The following ENPEP variants were observed in gnomAD, a reference collection of about 807,000 sequenced individuals.
ENPEP encodes the protein glutamyl aminopeptidase, also known as AP-A.
A neutral mutation model predicts 114.5 loss-of-function variants in ENPEP; 103 were observed. That is an observed-to-expected ratio of 0.90 (90% confidence interval 0.77 to 1.06). The LOEUF is 1.06. Among genes scored for constraint, ENPEP ranks in the 50% least tolerant of loss-of-function variants. The pLI is 0.00. For synonymous variants in ENPEP, 420 were observed against 422.0 expected, an observed-to-expected ratio of 1.00 and a Z score of 0.06; for missense variants, 1,196 against 1,161.3, an observed-to-expected ratio of 1.03 and a Z score of -0.43.
At chr4:110,515,852 C>A (rs1173758079) in intron 8 of ENPEP, 1 of 455,456 alleles carries the variant, frequency 2.2e-6, no homozygotes, top group African/African-American at 2.0e-5. Context: ...TCCGGGCTTG[C>A]AGATGGTAGA....
chr4:110,555,736 A>C (rs1727445177), intron 18 of ENPEP, among the ~76,000 whole-genome samples: 1 of 152,076 alleles, frequency 6.6e-6, no homozygotes, highest in Non-Finnish European at 1.5e-5. Context: ...TTTAATAAGC[A>C]CTTAAAAGTT....
intron 6 of ENPEP, chr4:110,512,373 A>G (rs761840968): frequency 2.0e-5 from 3 of 152,172 alleles, no homozygotes; most frequent in South Asian, 2.1e-4. Flanking sequence ...GGTATAGTCA[A>G]TCTTCCTCAC....
chr4:110,524,536 A>C (rs1166363130), intron 10 of ENPEP, among the ~76,000 whole-genome samples: 4 of 152,222 alleles, frequency 2.6e-5, no homozygotes, highest in Non-Finnish European at 5.9e-5. Context: ...AAGCAGATTT[A>C]TAAGTCTAAT....
At chr4:110,558,270 TTATATATATA>T (rs5861011) in intron 18 of ENPEP, among the ~76,000 whole-genome samples, 4 of 141,706 alleles carry the variant, frequency 2.8e-5, no homozygotes, top group African/African-American at 5.3e-5. Context: ...TTTATAAAAA[TTATATATATA>T]TATATATATA....
chr4:110,497,462 T>C (rs1724986735), intron 3 of ENPEP, among the ~76,000 whole-genome samples: 2 of 152,092 alleles, frequency 1.3e-5, no homozygotes, highest in Admixed American at 6.5e-5. Context: ...ATAAAAATAA[T>C]GTAAGATTTT....
At chr4:110,556,297 A>G (rs915661919) in intron 18 of ENPEP, among the ~76,000 whole-genome samples, 2 of 151,938 alleles carry the variant, frequency 1.3e-5, no homozygotes, top group Non-Finnish European at 2.9e-5. Context: ...TCCTATTGTC[A>G]TATTACTGTT....
At chr4:110,520,097 A>C (rs768073032) in intron 9 of ENPEP, 24 bp downstream of exon 9, 1 of 1,610,570 alleles carries the variant, frequency 6.2e-7, no homozygotes, top group Non-Finnish European at 8.5e-7. Flanking sequence ...TATGTCCCCA[A>C]ATATTTCTTT....
chr4:110,508,537 T>C (rs60175442), intron 4 of ENPEP, among the ~76,000 whole-genome samples: 27,555 of 152,232 alleles, frequency 0.18, 2,935 homozygotes, highest in Middle Eastern at 0.33. Context: ...TTTGGCTGGG[T>C]GCGGTGGCTC....
At chr4:110,507,750 C>T (rs528863994) in intron 4 of ENPEP, among the ~76,000 whole-genome samples, 14 of 152,268 alleles carry the variant, frequency 9.2e-5, no homozygotes, top group South Asian at 4.2e-4. Context: ...CCCAGGCGGG[C>T]GGATCGCTTG....
intron 10 of ENPEP, among the ~76,000 whole-genome samples, chr4:110,521,775 C>T (rs556816131): frequency 2.1e-3 from 314 of 152,042 alleles, no homozygotes; most frequent in African/African-American, 7.2e-3. Context: ...ATAAATTTGG[C>T]AAATCCTCCA....
At chr4:110,522,189 CT>C (rs539673220) in intron 10 of ENPEP, among the ~76,000 whole-genome samples, 37 of 144,256 alleles carry the variant, frequency 2.6e-4, no homozygotes, top group South Asian at 1.1e-3. Context: ...AGATAGGATT[CT>C]TTTTTTTTTT....
At chr4:110,540,056 A>G (rs1483006248) in intron 11 of ENPEP, among the ~76,000 whole-genome samples, 1 of 152,140 alleles carries the variant, frequency 6.6e-6, no homozygotes, top group African/African-American at 2.4e-5. Context: ...AAGAGCTCCT[A>G]CTCAGAAATA....
chr4:110,542,654 C>CT, intron 11 of ENPEP, 97 bp from the exon 12 acceptor site: 2 of 1,252,698 alleles, frequency 1.6e-6, no homozygotes, highest in Non-Finnish European at 2.2e-6. Flanking sequence ...GCTAATATTT[C>CT]TTTTCTTTTA....
At chr4:110,552,591 C>T (rs1370878424) in intron 17 of ENPEP, among the ~76,000 whole-genome samples, 2 of 152,092 alleles carry the variant, frequency 1.3e-5, no homozygotes, top group Non-Finnish European at 2.9e-5. Context: ...TCTAATCTAT[C>T]AGTAGTAGAC....
At chr4:110,503,651 C>G (rs983450486) in intron 3 of ENPEP, among the ~76,000 whole-genome samples, 2 of 152,136 alleles carry the variant, frequency 1.3e-5, no homozygotes, top group African/African-American at 4.8e-5. Flanking sequence ...AGATCCTGCA[C>G]TAGTTCTTTC....
intron 11 of ENPEP, 140 bp from the exon 12 acceptor site, chr4:110,542,611 G>T (rs1008470607): frequency 5.4e-6 from 4 of 737,562 alleles, no homozygotes; most frequent in Non-Finnish European, 8.3e-6. Flanking sequence ...TTAGGCTTTG[G>T]GTTTTGGATC....
At chr4:110,548,489 C>T (rs181422904) in intron 14 of ENPEP, among the ~76,000 whole-genome samples, 163 bp downstream of exon 14, 10 of 151,940 alleles carry the variant, frequency 6.6e-5, no homozygotes, top group South Asian at 2.1e-4. Flanking sequence ...AAAGCTATGC[C>T]GTCTATTCTT....
At chr4:110,513,313 T>G in intron 6 of ENPEP, 102 bp from the exon 7 acceptor site, 2 of 1,301,322 alleles carry the variant, frequency 1.5e-6, no homozygotes, top group Non-Finnish European at 1.0e-6. Flanking sequence ...ACTTAAGTCA[T>G]TTATATTTAT....
rs142911369 is a variant in ENPEP, at chr4:110,548,231, G to A, written c.2056G>A (p.Glu686Lys). ...GAACTTGACCAAGTATCTCAAAAGG[G>A]AAGAGAATTTTTTACCATGGCAGAG... ...ALNLTKYLKREENFLPWQRVI... is the reference protein window; with the variant it reads ...ALNLTKYLKRKENFLPWQRVI... The change falls in exon 14 of 20, where the codon GAA (glutamate) becomes AAA (lysine). Residue 686 changes from glutamate to lysine, a missense_variant. Physicochemically the swap from Glu to Lys is moderately conservative, Grantham distance 56 (BLOSUM62 1). Coordinates refer to ENST00000265162, the MANE Select transcript of ENPEP (RefSeq NM_001977.4). The A allele has an allele frequency of 1.5e-4, 234 of 1,588,968 alleles. No individual in the cohort carries two copies. Among genetic ancestry groups the A allele is most frequent in the Middle Eastern group, 3.4e-4 (2 of 5,958 alleles).
Sources: gnomAD v4.1 joint callset for allele counts (sites outside exome capture counted in the v4.1 genomes callset) on GRCh38, gnomAD v4.1.1 for gene constraint, MANE v1.5 for transcripts, NCBI Gene and HGNC (gene_info 2026-07-23, HGNC 2026-07-21) for gene names.